The following NRXN1 variants were observed in gnomAD, a reference collection of about 807,000 sequenced individuals.
The protein encoded by NRXN1 is neurexin 1.
Under a neutral mutation model 150.9 loss-of-function variants are expected in NRXN1, and 39 were observed. That is an observed-to-expected ratio of 0.26 (90% CI 0.20 to 0.34). The LOEUF is 0.34. Among genes scored for constraint, NRXN1 ranks in the 10% least tolerant of loss-of-function variants. NRXN1 has a pLI of 1.00. For synonymous variants in NRXN1, 924 were observed against 757.0 expected, an observed-to-expected ratio of 1.22 and a Z score of -3.62; for missense variants, 1,815 against 1,949.9, an observed-to-expected ratio of 0.93 and a Z score of 1.30.
chr2:50,290,264 TA>T (rs1425408952), intron 17 of NRXN1, among the ~76,000 whole-genome samples: 1 of 152,200 alleles, frequency 6.6e-6, no homozygotes, highest in Non-Finnish European at 1.5e-5. Flanking sequence ...TTATTTCATT[TA>T]CCCAATACTT....
chr2:50,965,231 G>T (rs1334049196), intron 2 of NRXN1, among the ~76,000 whole-genome samples: 3 of 151,256 alleles, frequency 2.0e-5, no homozygotes, highest in African/African-American at 7.3e-5. Context: ...TTTGATTGCA[G>T]CTATTTTTAT....
intron 21 of NRXN1, among the ~76,000 whole-genome samples, chr2:49,978,836 C>T (rs1279450379): frequency 2.0e-5 from 3 of 151,920 alleles, no homozygotes; most frequent in African/African-American, 7.3e-5. Context: ...ATTGAATAGT[C>T]CAACTCCTTC....
chr2:50,148,657 T>A (rs1049391549), intron 18 of NRXN1, among the ~76,000 whole-genome samples: 6 of 151,758 alleles, frequency 4.0e-5, no homozygotes, highest in African/African-American at 1.2e-4. Flanking sequence ...TTTGACTGAC[T>A]GACCCATGAT....
chr2:50,852,930 T>C (rs1674723514), intron 5 of NRXN1, among the ~76,000 whole-genome samples: 1 of 152,188 alleles, frequency 6.6e-6, no homozygotes, highest in South Asian at 2.1e-4. Flanking sequence ...TGAAAGGCTT[T>C]GTAAAATATT....
intron 18 of NRXN1, among the ~76,000 whole-genome samples, chr2:50,217,295 C>T (rs541274646): frequency 6.6e-6 from 1 of 152,134 alleles, no homozygotes; most frequent in Non-Finnish European, 1.5e-5. Flanking sequence ...TATTCTCAAT[C>T]ACATCTTTAA....
At chr2:50,783,966 A>G (rs1490602792) in intron 5 of NRXN1, among the ~76,000 whole-genome samples, 1 of 152,130 alleles carries the variant, frequency 6.6e-6, no homozygotes, top group Admixed American at 6.6e-5. Context: ...TCAAAGCTAC[A>G]AGTAACAAAT....
intron 5 of NRXN1, among the ~76,000 whole-genome samples, chr2:50,770,737 T>C (rs1386009756): frequency 6.6e-6 from 1 of 152,040 alleles, no homozygotes; most frequent in Non-Finnish European, 1.5e-5. Flanking sequence ...AGTCCATTCT[T>C]CATAGATAAA....
intron 5 of NRXN1, chr2:50,919,642 A>G (rs1685709559): frequency 6.6e-6 from 1 of 151,802 alleles, no homozygotes; most frequent in Non-Finnish European, 1.5e-5. Context: ...ACATAAGTTT[A>G]CACTGTAAAT....
rs79114854 is a variant in NRXN1 at position 50,497,751 on chromosome 2, C to A, written c.2498-37G>T. On this transcript the variant is annotated intron_variant, in intron 13 of 22. Coordinates refer to ENST00000401669, the MANE Select transcript of NRXN1 (RefSeq NM_001330078.2). ...GATAATATATGATTATTTTCTGTAT[C>A]TGAAAGGCACTTTCAACTTTAGGCT... The A allele has an allele frequency of 1.5e-3, 2,242 of 1,542,532 alleles. 20 individuals are homozygous for A. The African/African-American group carries it at 0.025, about 17-fold the overall frequency.
chr2:50,175,607 AATAT>A (rs36032143), intron 18 of NRXN1, among the ~76,000 whole-genome samples: 1,761 of 149,248 alleles, frequency 0.012, 16 homozygotes, highest in Non-Finnish European at 0.018. Context: ...CATTTATGCA[AATAT>A]ATATATATAT....
chr2:50,321,628 T>A (rs554755588), intron 17 of NRXN1, among the ~76,000 whole-genome samples: 1 of 152,278 alleles, frequency 6.6e-6, no homozygotes, highest in Non-Finnish European at 1.5e-5. Flanking sequence ...ATTCACTACC[T>A]TTTAAAAGAT....
At chr2:50,593,100 G>C (rs1034224970) in intron 8 of NRXN1, among the ~76,000 whole-genome samples, 4 of 152,220 alleles carry the variant, frequency 2.6e-5, no homozygotes, top group African/African-American at 9.6e-5. Context: ...TCCCAGATCA[G>C]AGTCTGTAGT....
At chr2:50,244,955 T>C (rs753341092) in intron 17 of NRXN1, among the ~76,000 whole-genome samples, 8 of 151,956 alleles carry the variant, frequency 5.3e-5, no homozygotes, top group Non-Finnish European at 1.0e-4. Flanking sequence ...TATGTGTGTA[T>C]ATGTATTTTC....
At chr2:50,332,430 A>G (rs1420173505) in intron 17 of NRXN1, among the ~76,000 whole-genome samples, 1 of 152,214 alleles carries the variant, frequency 6.6e-6, no homozygotes, top group East Asian at 1.9e-4. Context: ...GTTAATTTAA[A>G]AAACACAGAC....
intron 5 of NRXN1, among the ~76,000 whole-genome samples, chr2:50,815,092 G>C (rs1213686368): frequency 6.6e-6 from 1 of 151,092 alleles, no homozygotes; most frequent in Non-Finnish European, 1.5e-5. Context: ...TTGCCTCTTC[G>C]CTTTACAATC....
intron 5 of NRXN1, among the ~76,000 whole-genome samples, chr2:50,718,677 G>C (rs553077379): frequency 6.6e-6 from 1 of 152,140 alleles, no homozygotes; most frequent in Non-Finnish European, 1.5e-5. Flanking sequence ...CAGCTCAAAA[G>C]CTTTTAAGAG....
chr2:51,027,853 T>C lies in NRXN1; in HGVS notation c.421A>G (p.Lys141Glu), dbSNP rs2105330577. The change falls in exon 2 of 23, where the codon AAG (lysine) becomes GAG (glutamate). Residue 141 changes from lysine to glutamate, a missense_variant. This residue lies in a region of NRXN1 where 554 missense variants were observed against 478.8 expected (regional missense o/e 1.16). Transcript: ENST00000401669. The part of the protein sequence containing the change: ...DQVEAKWVEV[K>E]SKRRDMTVFS... ...ACCGTCATGTCCCTGCGCTTGGACT[T>C]GACCTCCACCCACTTGGCCTCCACC... 1 of 1,613,214 alleles carries C rather than the reference T, an allele frequency of 6.2e-7. No individual in the cohort carries two copies. Among genetic ancestry groups the C allele is most frequent in the South Asian group, 1.1e-5 (1 of 91,088 alleles).
At chr2:50,299,031 T>G (rs1272170210) in intron 17 of NRXN1, among the ~76,000 whole-genome samples, 2 of 152,176 alleles carry the variant, frequency 1.3e-5, no homozygotes, top group Non-Finnish European at 2.9e-5. Context: ...ATCCTTTTAT[T>G]ATGTTCAAAA....
chr2:49,984,636 CATT>C (rs1464865134), intron 21 of NRXN1, among the ~76,000 whole-genome samples: 1 of 151,638 alleles, frequency 6.6e-6, no homozygotes, highest in African/African-American at 2.4e-5. Context: ...GTCATTCAGT[CATT>C]AATACATCTT....
Sources: allele counts gnomAD v4.1 joint callset (sites outside exome capture counted in the v4.1 genomes callset), GRCh38; gene constraint gnomAD v4.1.1; regional missense constraint gnomAD v4.1.1; transcripts MANE v1.5; gene names NCBI Gene and HGNC (gene_info 2026-07-23, HGNC 2026-07-21).